RNGTT: variants seen among roughly 807,000 people sequenced by gnomAD.
RNGTT encodes mRNA-capping enzyme.
A neutral mutation model predicts 79.3 loss-of-function variants in RNGTT; 33 were observed. The observed-to-expected ratio is 0.42, with a 90% CI of 0.32 to 0.56. RNGTT has a LOEUF of 0.56. RNGTT is among the 20% of genes least tolerant of loss of function. The pLI is 0.17. For missense variants in RNGTT, 497 were observed against 739.1 expected, an observed-to-expected ratio of 0.67 and a Z score of 3.80; for synonymous variants, 222 against 235.9, an observed-to-expected ratio of 0.94 and a Z score of 0.54.
At chr6:88,805,346 A>G (rs1401630107) in intron 11 of RNGTT, among the ~76,000 whole-genome samples, 1 of 152,186 alleles carries the variant, frequency 6.6e-6, no homozygotes, top group Non-Finnish European at 1.5e-5. Context: ...AACACAAGAG[A>G]TACAAACTTT....
chr6:88,890,710 G>C, intron 7 of RNGTT, 114 bp from the exon 8 acceptor site: 2 of 550,272 alleles, frequency 3.6e-6, no homozygotes, highest in Non-Finnish European at 6.3e-6. Context: ...CCTATGATGA[G>C]ATTAATGTCA....
At chr6:88,676,460 T>C (rs866641274) in intron 14 of RNGTT, among the ~76,000 whole-genome samples, 1 of 152,128 alleles carries the variant, frequency 6.6e-6, no homozygotes, top group Non-Finnish European at 1.5e-5. Flanking sequence ...CCTAAATGTA[T>C]AACTTAAAAG....
rs1393192499 is a variant in RNGTT, at chr6:88,612,516, T to A, written c.*203A>T. 3 of 524,056 alleles carry A rather than the reference T, an allele frequency of 5.7e-6. No individual in the cohort carries two copies. The highest frequency in any genetic ancestry group is 1.0e-5 in the Non-Finnish European group (3 of 293,964). 32.5% of individuals were successfully genotyped at this position (524,056 alleles called of 1,614,324 possible). On this transcript the variant is annotated 3_prime_UTR_variant, in exon 16 of 16. Coordinates refer to ENST00000369485, the MANE Select transcript of RNGTT (RefSeq NM_003800.5). ...TTATCAGATAAATAAGATGTTTAAG[T>A]CCACGATGTATTGCAGCACTGAGGA...
chr6:88,819,670 G>A lies in RNGTT; in HGVS notation c.1270-18038C>T, dbSNP rs376924475. On this transcript the variant is annotated intron_variant, in intron 11 of 15. Coordinates refer to ENST00000369485, the MANE Select transcript of RNGTT (RefSeq NM_003800.5). ...CTTCATGTATGCTACCATACATGTG[G>A]ACAATCTACTCAGCATCCTAGTGTC... 2.0e-5 allele frequency among the ~76,000 whole-genome samples: 3 copies of A among 152,024 alleles called. No homozygotes were observed. The East Asian group carries it at 5.8e-4, about 29-fold the overall frequency.
At chr6:88,907,104 A>G (rs1299155202) in intron 4 of RNGTT, among the ~76,000 whole-genome samples, 3 of 152,240 alleles carry the variant, frequency 2.0e-5, no homozygotes, top group South Asian at 4.1e-4. Context: ...CTTTCTAAAT[A>G]AATTTTTAAA....
intron 8 of RNGTT, among the ~76,000 whole-genome samples, chr6:88,862,889 A>G (rs865865447): frequency 1.1e-4 from 17 of 152,312 alleles, no homozygotes; most frequent in Middle Eastern, 3.4e-3. Context: ...TCATTCGGCA[A>G]TATAAGAGAT....
rs149002503 is a variant in RNGTT, at chr6:88,793,644, C to G, written c.1338+7920G>C. Among the ~76,000 whole-genome samples the G allele has an allele frequency of 5.9e-3, 904 of 152,218 alleles. 16 individuals carry two copies. The highest frequency in any genetic ancestry group is 0.02 in the African/African-American group (823 of 41,542). ...CTTTGGGAGGCCGAGGTGGGCAAATCACTTGAGGCCAGGAGTTCAAGACTA... is the reference window on the plus strand; with the variant it reads ...CTTTGGGAGGCCGAGGTGGGCAAATGACTTGAGGCCAGGAGTTCAAGACTA... On this transcript the variant is annotated intron_variant, in intron 12 of 15. Transcript: ENST00000369485.
intron 13 of RNGTT, among the ~76,000 whole-genome samples, chr6:88,706,998 GA>G (rs1396495670): frequency 6.6e-6 from 1 of 152,176 alleles, no homozygotes; most frequent in Non-Finnish European, 1.5e-5. Context: ...TAAAGAGGAA[GA>G]AGGTGATGAA....
At chr6:88,942,312 G>A (rs1195924162) in intron 1 of RNGTT, among the ~76,000 whole-genome samples, 1 of 152,070 alleles carries the variant, frequency 6.6e-6, no homozygotes, top group East Asian at 1.9e-4. Flanking sequence ...CTGAATGACA[G>A]TATAGCATAG....
chr6:88,952,000 G>A (rs1785266052), intron 1 of RNGTT, among the ~76,000 whole-genome samples: 1 of 152,198 alleles, frequency 6.6e-6, no homozygotes, highest in African/African-American at 2.4e-5. Context: ...GAGGCAGACA[G>A]GGAGGGGTAG....
chr6:88,826,852 G>GTA (rs1273520092), intron 11 of RNGTT, among the ~76,000 whole-genome samples: 1 of 144,368 alleles, frequency 6.9e-6, no homozygotes, highest in African/African-American at 2.6e-5. Flanking sequence ...ATATGTGTGT[G>GTA]TGTATATATA....
chr6:88,926,560 T>C (rs1293795749), intron 4 of RNGTT, among the ~76,000 whole-genome samples: 1 of 152,228 alleles, frequency 6.6e-6, no homozygotes, highest in Non-Finnish European at 1.5e-5. Context: ...TATTTAAATA[T>C]ATTTTCTTCA....
rs187012581 is a variant in RNGTT at position 88,821,716 on chromosome 6, G to T, written c.1270-20084C>A. ...TGATTTCGATAATAAAATTCATAAT[G>T]AAGAAATGAGTAATAAATGTTTATG... On this transcript the variant is annotated intron_variant, in intron 11 of 15. Coordinates refer to ENST00000369485, the MANE Select transcript of RNGTT (RefSeq NM_003800.5). Among the ~76,000 whole-genome samples, 265 of 151,870 alleles carry T rather than the reference G, an allele frequency of 1.7e-3. 1 individual carries two copies. Among genetic ancestry groups the T allele is most frequent in the African/African-American group, 6.2e-3 (258 of 41,502 alleles).
chr6:88,750,218 T>A (rs1410236995), intron 13 of RNGTT, among the ~76,000 whole-genome samples: 1 of 152,056 alleles, frequency 6.6e-6, no homozygotes, highest in Non-Finnish European at 1.5e-5. Context: ...AGGCAAATAC[T>A]AAATATTAAT....
intron 11 of RNGTT, among the ~76,000 whole-genome samples, chr6:88,831,785 T>C (rs1457886697): frequency 6.6e-6 from 1 of 152,176 alleles, no homozygotes; most frequent in East Asian, 1.9e-4. Context: ...AGCATTCTCA[T>C]ACACCAGTAA....
chr6:88,618,114 TA>T (rs1022078679), intron 14 of RNGTT, among the ~76,000 whole-genome samples: 1 of 152,228 alleles, frequency 6.6e-6, no homozygotes, highest in African/African-American at 2.4e-5. Context: ...CTGTAACAAT[TA>T]AGCAGTACTA....
chr6:88,779,664 C>T (rs950585411), intron 12 of RNGTT, among the ~76,000 whole-genome samples: 2 of 152,100 alleles, frequency 1.3e-5, no homozygotes, highest in African/African-American at 4.8e-5. Flanking sequence ...TTAGGAATTT[C>T]AAAGCACCTT....
intron 13 of RNGTT, among the ~76,000 whole-genome samples, chr6:88,725,005 G>A (rs979564231): frequency 3.3e-5 from 5 of 152,176 alleles, no homozygotes; most frequent in Non-Finnish European, 7.3e-5. Context: ...GCTCACCATT[G>A]CTCCATGTGT....
chr6:88,925,632 A>C (rs1409711659), intron 4 of RNGTT, among the ~76,000 whole-genome samples: 11 of 151,800 alleles, frequency 7.2e-5, no homozygotes, highest in Admixed American at 5.3e-4. Context: ...TACTATCATC[A>C]TTAATAGCCA....
Sources: allele counts gnomAD v4.1 joint callset (sites outside exome capture counted in the v4.1 genomes callset), GRCh38; gene constraint gnomAD v4.1.1; transcripts MANE v1.5; gene names NCBI Gene and HGNC (gene_info 2026-07-23, HGNC 2026-07-21).